TAOK1: variants seen among roughly 807,000 people sequenced by gnomAD.
TAOK1 encodes serine/threonine-protein kinase TAO1.
TAOK1 carries 21 observed loss-of-function variants against 138.3 expected under a neutral mutation model. That is an observed-to-expected ratio of 0.15 (90% CI 0.11 to 0.22). The LOEUF (loss-of-function observed/expected upper bound fraction) is 0.22, where lower values mean the gene tolerates loss of function less well. Ranked by LOEUF, TAOK1 falls within the 10% of genes least tolerant of loss-of-function variation. The pLI, the probability that TAOK1 is intolerant of heterozygous loss-of-function variation, is 1.00. For missense variants in TAOK1, 651 were observed against 1,227.7 expected (o/e 0.53, Z 7.02); for synonymous variants, 361 against 398.4 (o/e 0.91, Z 1.12).
chr17:29,395,465 A>G (rs1904564917), intron 1 of TAOK1, among the ~76,000 whole-genome samples: 1 of 152,156 alleles, frequency 6.6e-6, no homozygotes, highest in South Asian at 2.1e-4. Flanking sequence ...CAGGAGGTGG[A>G]GGTTACAGTG....
chr17:29,470,130 A>C (rs2030778753), intron 3 of TAOK1, among the ~76,000 whole-genome samples: 1 of 152,196 alleles, frequency 6.6e-6, no homozygotes, highest in African/African-American at 2.4e-5. Context: ...CACACCTCCT[A>C]AATCTGTGGA....
chr17:29,526,693 C>T (rs140101614), intron 17 of TAOK1, among the ~76,000 whole-genome samples: 213 of 152,084 alleles, frequency 1.4e-3, no homozygotes, highest in Non-Finnish European at 1.6e-3. Context: ...GGATTACAGG[C>T]GTGAGCCACC....
intron 11 of TAOK1, among the ~76,000 whole-genome samples, chr17:29,497,354 T>C (rs921095891): frequency 1.3e-5 from 2 of 152,086 alleles, no homozygotes; most frequent in Non-Finnish European, 2.9e-5. Flanking sequence ...CACTAGAAAA[T>C]TGGGATGATT....
At chr17:29,475,188 T>C (rs1324532386) in intron 3 of TAOK1, among the ~76,000 whole-genome samples, 1 of 152,142 alleles carries the variant, frequency 6.6e-6, no homozygotes, top group Non-Finnish European at 1.5e-5. Flanking sequence ...ATCCACCTGC[T>C]TCAGCCTCCC....
At chr17:29,451,423 T>C (rs967827748) in intron 1 of TAOK1, 32 bp from the exon 2 acceptor site, 7 of 1,245,188 alleles carry the variant, frequency 5.6e-6, no homozygotes, top group Admixed American at 3.0e-5. Context: ...AGTTTTTGCC[T>C]TTTCTGACTT....
chr17:29,411,327 G>A (rs1163846749), intron 1 of TAOK1, among the ~76,000 whole-genome samples: 2 of 151,712 alleles, frequency 1.3e-5, no homozygotes, highest in Non-Finnish European at 2.9e-5. Flanking sequence ...TCCTGACTTC[G>A]TGATCCGCCC....
chr17:29,531,107 G>A (rs964238392), intron 18 of TAOK1, among the ~76,000 whole-genome samples: 2 of 149,812 alleles, frequency 1.3e-5, no homozygotes, highest in Admixed American at 6.7e-5. Flanking sequence ...GACTACAGGC[G>A]CCTGCCACTA....
chr17:29,397,664 G>GTACATGT (rs1290681493), intron 1 of TAOK1, among the ~76,000 whole-genome samples: 4 of 35,604 alleles, frequency 1.1e-4, no homozygotes, highest in Admixed American at 1.1e-3. Context: ...ATTCATGTAT[G>GTACATGT]ATACATGTAT....
At chr17:29,521,863 T>A (rs577739245) in intron 16 of TAOK1, among the ~76,000 whole-genome samples, 3 of 152,248 alleles carry the variant, frequency 2.0e-5, no homozygotes, top group African/African-American at 7.2e-5. Flanking sequence ...ATTACAGGCA[T>A]GAGCCACCGC....
chr17:29,395,303 G>T (rs1164400356), intron 1 of TAOK1, among the ~76,000 whole-genome samples: 1 of 151,956 alleles, frequency 6.6e-6, no homozygotes, highest in African/African-American at 2.4e-5. Context: ...GGCCAAGGTG[G>T]GCGGATCACC....
In TAOK1 at chr17:29,542,944, A is replaced by T; in HGVS notation, c.2928A>T (p.Gly976=). ...CTCTGAGGCGGACAGCTTCTGGGGGACGGACGGAGCAGGGCATGAGCAGAA... is the reference window on the plus strand; with the variant it reads ...CTCTGAGGCGGACAGCTTCTGGGGGTCGGACGGAGCAGGGCATGAGCAGAA... The part of the protein sequence containing the change: ...PQALRRTASG[G]RTEQGMSRST... Residue 976 remains glycine, a synonymous_variant, in exon 20 of 20, where the codon GGA becomes GGT. Coordinates refer to ENST00000261716, the MANE Select transcript of TAOK1 (RefSeq NM_020791.4). 6.2e-7 allele frequency: 1 copy of T among 1,613,482 alleles called. No individual in the cohort carries two copies. Among genetic ancestry groups the T allele is most frequent in the South Asian group, 1.1e-5 (1 of 91,008 alleles).
At chr17:29,494,400 T>C (rs1430444242) in intron 10 of TAOK1, among the ~76,000 whole-genome samples, 1 of 151,912 alleles carries the variant, frequency 6.6e-6, no homozygotes, top group Non-Finnish European at 1.5e-5. Flanking sequence ...TCCTAGCTGC[T>C]TGAGAGGCTG....
chr17:29,462,832 A>G (rs1276260532), intron 2 of TAOK1, among the ~76,000 whole-genome samples: 3 of 152,088 alleles, frequency 2.0e-5, no homozygotes, highest in African/African-American at 7.2e-5. Context: ...CTCTCTGACT[A>G]TTTCTGTTCC....
At chr17:29,453,506 C>T (rs545056501) in intron 2 of TAOK1, among the ~76,000 whole-genome samples, 3 of 152,188 alleles carry the variant, frequency 2.0e-5, no homozygotes, top group South Asian at 4.2e-4. Flanking sequence ...TTGCCTTAGC[C>T]TCCTGAAGTG....
At chr17:29,433,544 A>C (rs905751252) in intron 1 of TAOK1, among the ~76,000 whole-genome samples, 2 of 152,168 alleles carry the variant, frequency 1.3e-5, no homozygotes, top group African/African-American at 4.8e-5. Flanking sequence ...ATGGCTATGA[A>C]AATTCAGGCT....
At chr17:29,496,056 C>T (rs184674425) in intron 11 of TAOK1, among the ~76,000 whole-genome samples, 2 of 152,004 alleles carry the variant, frequency 1.3e-5, no homozygotes, top group African/African-American at 4.8e-5. Context: ...TTAGTCTAGG[C>T]CTTCTCTAAT....
chr17:29,501,221 T>TAA (rs66503222), intron 12 of TAOK1, among the ~76,000 whole-genome samples: 8 of 120,614 alleles, frequency 6.6e-5, no homozygotes, highest in East Asian at 2.6e-4. Context: ...CCCATCTGTT[T>TAA]AAAAAAAAAA....
intron 19 of TAOK1, among the ~76,000 whole-genome samples, chr17:29,540,419 C>T (rs1303008965): frequency 6.6e-6 from 1 of 152,114 alleles, no homozygotes; most frequent in Non-Finnish European, 1.5e-5. Flanking sequence ...GGCTGGAGTG[C>T]AGTAGCCCCA....
chr17:29,494,825 CAAAAAAAA>C (rs368548444), intron 10 of TAOK1, among the ~76,000 whole-genome samples: 4 of 48,314 alleles, frequency 8.3e-5, no homozygotes, highest in African/African-American at 1.5e-4. Context: ...GACTCCGTCT[CAAAAAAAA>C]AAAAAAAAAA....
Sources: allele counts gnomAD v4.1 joint callset (sites outside exome capture counted in the v4.1 genomes callset), GRCh38; gene constraint gnomAD v4.1.1; transcripts MANE v1.5; gene names NCBI Gene and HGNC (gene_info 2026-07-23, HGNC 2026-07-21).